Variants in RFX7 observed in about 807,000 individuals in gnomAD.
RFX7 encodes the protein DNA-binding protein RFX7.
A neutral mutation model predicts 111.8 loss-of-function variants in RFX7; 26 were observed. The ratio of observed to expected loss-of-function variants is 0.23; its 90% confidence interval spans 0.17 to 0.32. RFX7 has a LOEUF of 0.32. RFX7 is among the 10% of genes least tolerant of loss of function. RFX7 has a pLI of 1.00. For missense variants in RFX7, 1,573 were observed against 1,772.9 expected (o/e 0.89, Z 2.02); for synonymous variants, 624 against 624.4 (o/e 1.00, Z 0.01).
intron 2 of RFX7, among the ~76,000 whole-genome samples, chr15:56,184,370 T>A (rs928201059): frequency 3.0e-4 from 46 of 152,036 alleles, no homozygotes; most frequent in Non-Finnish European, 4.9e-4. Flanking sequence ...CTCTTGTAGA[T>A]AATCATTTCA....
intron 5 of RFX7, among the ~76,000 whole-genome samples, chr15:56,135,073 A>G (rs1308259484): frequency 6.6e-6 from 1 of 152,222 alleles, no homozygotes; most frequent in Non-Finnish European, 1.5e-5. Context: ...TGCAATAAAC[A>G]TACGTGTGCA....
At chr15:56,100,876 T>G (rs2041743167) in intron 8 of RFX7, among the ~76,000 whole-genome samples, 1 of 152,174 alleles carries the variant, frequency 6.6e-6, no homozygotes, top group Admixed American at 6.5e-5. Flanking sequence ...AGTAAGGCTT[T>G]GTACGGTTTT....
intron 2 of RFX7, among the ~76,000 whole-genome samples, chr15:56,207,393 T>C (rs1038288491): frequency 6.6e-6 from 1 of 152,204 alleles, no homozygotes; most frequent in Non-Finnish European, 1.5e-5. Context: ...TTAATGCTAC[T>C]GAACTGTTCT....
chr15:56,240,976 G>T (rs79897832), intron 2 of RFX7, among the ~76,000 whole-genome samples: 1 of 151,784 alleles, frequency 6.6e-6, no homozygotes, highest in Admixed American at 6.6e-5. Context: ...GTGGAGCAGG[G>T]GGTATGACAC....
intron 3 of RFX7, among the ~76,000 whole-genome samples, chr15:56,168,643 C>G (rs2042810002): frequency 6.6e-6 from 1 of 152,096 alleles, no homozygotes; most frequent in African/African-American, 2.4e-5. Context: ...CTGGTTTAGA[C>G]TAGAAAACAA....
intron 2 of RFX7, among the ~76,000 whole-genome samples, chr15:56,202,722 G>A (rs113201864): frequency 2.4e-4 from 36 of 152,342 alleles, no homozygotes; most frequent in Middle Eastern, 3.4e-3. Context: ...TGAGACAGGA[G>A]GATGGCTTGA....
At chr15:56,126,716 A>ATTCTGGT (rs1436421941) in intron 5 of RFX7, among the ~76,000 whole-genome samples, 2 of 152,206 alleles carry the variant, frequency 1.3e-5, no homozygotes, top group African/African-American at 4.8e-5. Context: ...ACCAGAAAAG[A>ATTCTGGT]TAAAGCATGG....
chr15:56,147,702 C>T (rs781478165), intron 3 of RFX7, among the ~76,000 whole-genome samples: 1 of 152,066 alleles, frequency 6.6e-6, no homozygotes, highest in Non-Finnish European at 1.5e-5. Context: ...GCCTTCCGAG[C>T]AGCTGGGACT....
Position 56,094,170 on chromosome 15 carries a change from A to AC in RFX7, c.3557_3558insG (p.Asn1187Ter), listed in dbSNP as rs1238415323. 6.2e-7 allele frequency: 1 copy of AC among 1,613,838 alleles called. No individual in the cohort carries two copies. The highest frequency in any genetic ancestry group is 1.3e-5 in the African/African-American group (1 of 74,906). ...GGGTCACATTAGATCGTGGGATATT[A>AC]GATACTGGATAGAGGGTGCTTCCAC... is the stretch of plus-strand genomic sequence containing the variant. On this transcript the variant is annotated frameshift_variant, in exon 10 of 10. Coordinates refer to ENST00000559447, the MANE Select transcript of RFX7 (RefSeq NM_022841.7). LOFTEE classifies it high-confidence loss of function.
intron 2 of RFX7, among the ~76,000 whole-genome samples, chr15:56,207,470 A>T (rs1396290863): frequency 2.0e-5 from 3 of 152,222 alleles, no homozygotes; most frequent in Non-Finnish European, 4.4e-5. Flanking sequence ...ACAAATTTTT[A>T]AAAAATTAAC....
chr15:56,140,462 G>A (rs962858963), intron 5 of RFX7, among the ~76,000 whole-genome samples: 6 of 152,188 alleles, frequency 3.9e-5, no homozygotes, highest in African/African-American at 1.4e-4. Flanking sequence ...GCAATGCCTC[G>A]CCCTGCTTCG....
chr15:56,096,339 G>C lies in RFX7; in HGVS notation c.1389C>G (p.Pro463=). The change falls in exon 10 of 10, where the codon CCC becomes CCG. Residue 463 remains proline, a synonymous_variant. Coordinates refer to ENST00000559447, the MANE Select transcript of RFX7 (RefSeq NM_022841.7). ...CATTTAGAGAACTCATGTGTGAAGCGGGTACAACAGCAGTTTTGATGGGAC... is the reference window on the plus strand; with the variant it reads ...CATTTAGAGAACTCATGTGTGAAGCCGGTACAACAGCAGTTTTGATGGGAC... ...TSSPIKTAVV[P]ASHMSSLNVV... 6.2e-7 allele frequency: 1 copy of C among 1,613,910 alleles called. No individual in the cohort carries two copies.
intron 5 of RFX7, among the ~76,000 whole-genome samples, chr15:56,109,777 CCTGT>C (rs1378583471): frequency 5.4e-4 from 82 of 151,412 alleles, no homozygotes; most frequent in Non-Finnish European, 9.2e-4. Context: ...TGGCAACCGC[CCTGT>C]CTGAGAAGTG....
intron 2 of RFX7, among the ~76,000 whole-genome samples, chr15:56,196,961 T>C (rs1879347): frequency 0.13 from 19,780 of 152,172 alleles, 1,676 homozygotes; most frequent in East Asian, 0.44. Flanking sequence ...TTCAACTTTC[T>C]AATTATTGCC....
At chr15:56,142,605 T>C (rs775317798) in intron 5 of RFX7, among the ~76,000 whole-genome samples, 173 bp downstream of exon 5, 82 of 152,174 alleles carry the variant, frequency 5.4e-4, no homozygotes, top group Non-Finnish European at 9.4e-4. Context: ...TGCCCCCCTT[T>C]ATTATAAATG....
intron 1 of RFX7, 35 bp downstream of exon 1, chr15:56,243,410 G>T: frequency 7.3e-6 from 8 of 1,092,104 alleles, no homozygotes; most frequent in Non-Finnish European, 8.1e-6. Flanking sequence ...AGAGGAGGAG[G>T]AGGAGGAAGG....
chr15:56,137,281 C>T (rs1319525983), intron 5 of RFX7, among the ~76,000 whole-genome samples: 3 of 152,088 alleles, frequency 2.0e-5, no homozygotes. Flanking sequence ...TGATTATTGC[C>T]ACAATTTCAG....
intron 2 of RFX7, among the ~76,000 whole-genome samples, chr15:56,191,177 A>T (rs770688989): frequency 2.6e-5 from 4 of 152,196 alleles, no homozygotes; most frequent in Non-Finnish European, 4.4e-5. Context: ...ACAGGCAATG[A>T]GTTAGTGGTT....
chr15:56,146,907 G>A (rs771238334), intron 3 of RFX7, among the ~76,000 whole-genome samples: 3 of 152,146 alleles, frequency 2.0e-5, no homozygotes, highest in Admixed American at 6.5e-5. Flanking sequence ...AGTCCAGCAA[G>A]GCTGGGCTCA....
Sources: allele counts gnomAD v4.1 joint callset (sites outside exome capture counted in the v4.1 genomes callset), GRCh38; gene constraint gnomAD v4.1.1; transcripts MANE v1.5; gene names NCBI Gene and HGNC (gene_info 2026-07-23, HGNC 2026-07-21).